Variants in AMN observed in about 807,000 individuals in gnomAD.
The protein encoded by AMN is protein amnionless.
In AMN, 40 loss-of-function variants were observed where a neutral mutation model predicts 49.1. The observed-to-expected ratio is 0.81, with a 90% CI of 0.63 to 1.06. The LOEUF is 1.06. Ranked by LOEUF, AMN falls within the 50% of genes least tolerant of loss-of-function variation. AMN has a pLI of 0.00. For missense variants in AMN, 701 were observed against 662.8 expected (o/e 1.06, Z -0.63); for synonymous variants, 380 against 313.3 (o/e 1.21, Z -2.25).
rs1398044164 is a variant in AMN at position 102,928,839 on chromosome 14, GC to G, written c.379del (p.Leu127SerfsTer72). On this transcript the variant is annotated frameshift_variant, in exon 5 of 12. Coordinates refer to ENST00000299155, the MANE Select transcript of AMN (RefSeq NM_030943.4). LOFTEE classifies it high-confidence loss of function. The stretch of plus-strand genomic sequence containing the variant: ...TGGCGCTCTGGGGACGAGGCACCTG[GC>G]CTCTTCTTCGTGGACGCCGAGCGCG... The part of the protein sequence containing the change: ...HLWRSGDEAP[G>X]LFFVDAERVP... 2 of 1,606,106 alleles carry G rather than the reference GC, an allele frequency of 1.2e-6. No individual in the cohort carries two copies. The highest frequency in any genetic ancestry group is 2.7e-5 in the African/African-American group (2 of 74,928).
Position 102,929,549 on chromosome 14 carries a change from G to A in AMN, c.760+13G>A. 1 of 1,541,078 alleles carries A rather than the reference G, an allele frequency of 6.5e-7. No individual in the cohort carries two copies. On this transcript the variant is annotated intron_variant, in intron 7 of 11. Coordinates refer to ENST00000299155, the MANE Select transcript of AMN (RefSeq NM_030943.4). Reference sequence around the variant, plus strand: ...TGTGACCTCTGTGGTAAGCGCCCCCGCCGGGCCCTGCTTGCTGGGAAGGCC... The same window carrying A: ...TGTGACCTCTGTGGTAAGCGCCCCCACCGGGCCCTGCTTGCTGGGAAGGCC...
Position 102,929,943 on chromosome 14 carries a change from A to G in AMN, c.863A>G (p.Gln288Arg). Residue 288 changes from glutamine (Q) to arginine (R), a missense_variant, in exon 9 of 12, where the codon CAG becomes CGG. By Grantham distance (43) the Gln-to-Arg change is conservative. Transcript: ENST00000299155. ...CCCCAGCCTCAGTACCACGGGCTGC[A>G]GGTGGCCGTGTCCAAGGTGCCACGC... ...FLGLPQYHGL[Q>R]VAVSKVPRSS... The G allele has an allele frequency of 6.4e-7, 1 of 1,562,078 alleles. No individual in the cohort carries two copies. The highest frequency in any genetic ancestry group is 1.2e-5 in the South Asian group (1 of 84,676).
intron 3 of AMN, among the ~76,000 whole-genome samples, chr14:102,926,233 A>T (rs969808369): frequency 6.6e-6 from 1 of 152,212 alleles, no homozygotes; most frequent in African/African-American, 2.4e-5. Flanking sequence ...CTCAGTCACA[A>T]TGGTAATGGA....
Position 102,930,442 on chromosome 14 carries a change from G to A in AMN, c.1206G>A (p.Ala402=). The A allele has an allele frequency of 4.6e-6, 7 of 1,523,992 alleles. No individual in the cohort carries two copies. Among genetic ancestry groups the A allele is most frequent in the African/African-American group, 1.4e-5 (1 of 71,574 alleles). The allele number at this position is 1,523,992 out of a possible 1,614,324, so 94.4% of individuals were successfully genotyped here. The change falls in exon 11 of 12, where the codon GCG becomes GCA. Residue 402 remains alanine (A), a synonymous_variant. Transcript: ENST00000299155. The part of the protein sequence containing the change: ...RRHEAAAPAG[A]PLGFRNPVFD... The stretch of plus-strand genomic sequence containing the variant: ...ACGAGGCGGCGGCCCCGGCTGGAGC[G>A]CCCCTCGGCTTCCGCAACCCGGTGT...
At chr14:102,926,699 G>T (rs1891196139) in intron 3 of AMN, among the ~76,000 whole-genome samples, 1 of 149,410 alleles carries the variant, frequency 6.7e-6, no homozygotes, top group Non-Finnish European at 1.5e-5. Flanking sequence ...CGATTCTCCT[G>T]CCTGAGCCTC....
chr14:102,923,499 G>A (rs1055219103), intron 1 of AMN: 4 of 583,972 alleles, frequency 6.8e-6, no homozygotes, highest in Middle Eastern at 4.6e-4. Context: ...GGCTCTGCAG[G>A]TATCAGTAGA....
At chr14:102,928,274 C>A in intron 3 of AMN, 152 bp from the exon 4 acceptor site, 1 of 667,782 alleles carries the variant, frequency 1.5e-6, no homozygotes, top group Non-Finnish European at 2.5e-6. Context: ...CTCTGCCAGC[C>A]TCAGCCAGGC....
At chr14:102,927,448 C>A (rs1891212642) in intron 3 of AMN, among the ~76,000 whole-genome samples, 1 of 152,234 alleles carries the variant, frequency 6.6e-6, no homozygotes, top group African/African-American at 2.4e-5. Context: ...GCGCTTTGAG[C>A]TATGACACAT....
In AMN at chr14:102,928,899, C is replaced by T. The variant is rs898191952; in HGVS notation, c.437C>T (p.Pro146Leu). The part of the protein sequence containing the change: ...PCRHDDVFFP[P>L]SASFRVGLGP... ...CGCCACGACGACGTCTTCTTTCCGC[C>T]TAGTGCCTCCTTCCGCGTGGGGCTC... Residue 146 changes from proline (P) to leucine (L), a missense_variant, in exon 5 of 12, where the codon CCT (proline) becomes CTT (leucine). Pro to Leu is a moderately conservative substitution (Grantham distance 98). Transcript: ENST00000299155. 16 of 1,603,148 alleles carry T rather than the reference C, an allele frequency of 1.0e-5. No homozygotes were observed. Among genetic ancestry groups the T allele is most frequent in the Non-Finnish European group, 1.4e-5 (16 of 1,179,784 alleles).
intron 3 of AMN, among the ~76,000 whole-genome samples, chr14:102,925,635 C>T (rs953248802): frequency 1.3e-5 from 2 of 152,210 alleles, no homozygotes; most frequent in Non-Finnish European, 2.9e-5. Context: ...CCCCTACTCC[C>T]CTCCCCTGCC....
chr14:102,927,998 C>T (rs781689688), intron 3 of AMN, among the ~76,000 whole-genome samples: 5 of 152,224 alleles, frequency 3.3e-5, no homozygotes, highest in Non-Finnish European at 5.9e-5. Flanking sequence ...CCTCAGACTC[C>T]CCAGGAGCCG....
chr14:102,929,138 G>C lies in AMN; in HGVS notation c.531G>C (p.Glu177Asp), dbSNP rs1891266842. 1 of 1,597,462 alleles carries C rather than the reference G, an allele frequency of 6.3e-7. No homozygotes were observed. ...SALGRTFTRD[E>D]DLAVFLASRA... is the part of the protein sequence containing the mutation. ...GCCCGCAGACGTTCACGCGCGACGA[G>C]GACCTGGCTGTTTTCCTGGCGTCCC... The change falls in exon 6 of 12, where the codon GAG becomes GAC. Residue 177 changes from glutamate (E) to aspartate (D), a missense_variant. Transcript: ENST00000299155.
rs1891084049 is a variant in AMN, at chr14:102,922,739, G to A, written c.43+8G>A. On this transcript the variant is annotated splice_region_variant and intron_variant, in intron 1 of 11. Coordinates refer to ENST00000299155, the MANE Select transcript of AMN (RefSeq NM_030943.4). The stretch of plus-strand genomic sequence containing the variant: ...TGTGGCTGCAGCTCTGCGGTGAGCC[G>A]GGACCACACCGGTGCGGGCCCGGAC... 6.3e-7 allele frequency: 1 copy of A among 1,583,862 alleles called. No individual in the cohort carries two copies. Among genetic ancestry groups the A allele is most frequent in the Non-Finnish European group, 8.6e-7 (1 of 1,169,170 alleles).
intron 3 of AMN, among the ~76,000 whole-genome samples, chr14:102,926,796 T>A (rs1403664386): frequency 6.6e-6 from 1 of 152,174 alleles, no homozygotes; most frequent in Non-Finnish European, 1.5e-5. Context: ...ATGGACGGAC[T>A]CTCTCTAAAT....
intron 3 of AMN, among the ~76,000 whole-genome samples, chr14:102,925,069 T>C (rs1035043434): frequency 6.6e-6 from 1 of 152,204 alleles, no homozygotes; most frequent in Non-Finnish European, 1.5e-5. Context: ...CCAGGGTGAC[T>C]GTGGGGCCTG....
At chr14:102,923,071 G>T in intron 1 of AMN, 1 of 317,774 alleles carries the variant, frequency 3.1e-6, no homozygotes, top group Non-Finnish European at 5.9e-6. Context: ...GTGCGCCTGC[G>T]GGGCTCGGCA....
intron 6 of AMN, 71 bp downstream of exon 6, chr14:102,929,329 C>T: frequency 6.8e-7 from 1 of 1,475,404 alleles, no homozygotes; most frequent in Non-Finnish European, 8.9e-7. Flanking sequence ...AGGGCCGCTG[C>T]GCTCCCACGG....
chr14:102,929,429 C>A lies in AMN; in HGVS notation c.653C>A (p.Ala218Glu), dbSNP rs1362321129. The A allele has an allele frequency of 2.0e-6, 3 of 1,530,492 alleles. No individual in the cohort carries two copies. In the African/African-American group the frequency reaches 4.1e-5, roughly 21 times the overall value. The allele number at this position is 1,530,492 out of a possible 1,614,324, so 94.8% of individuals were successfully genotyped here. ...PSGCVCGNAE[A>E]QPWICAALLQ... ...GCTGACCACCGCCCCTCGCACCAGG[C>A]GCAGCCGTGGATCTGCGCGGCCCTG... The change falls in exon 7 of 12, where the codon GCG becomes GAG. Residue 218 changes from alanine (A) to glutamate (E), a missense_variant and splice_region_variant. Ala to Glu is a moderately radical substitution (Grantham distance 107). Coordinates refer to ENST00000299155, the MANE Select transcript of AMN (RefSeq NM_030943.4).
chr14:102,929,462 C>G lies in AMN; in HGVS notation c.686C>G (p.Pro229Arg), dbSNP rs1891278806. ...QPWICAALLQ[P>R]LGGRCPQAAC... is the part of the protein sequence containing the mutation. ...TGGATCTGCGCGGCCCTGCTCCAGC[C>G]CCTGGGCGGCCGCTGCCCCCAGGCC... Residue 229 changes from proline to arginine, a missense_variant, in exon 7 of 12, where the codon CCC (proline) becomes CGC (arginine). Physicochemically the swap from Pro to Arg is moderately radical, Grantham distance 103 (BLOSUM62 -2). Coordinates refer to ENST00000299155, the MANE Select transcript of AMN (RefSeq NM_030943.4). 1 of 1,531,364 alleles carries G rather than the reference C, an allele frequency of 6.5e-7. No individual in the cohort carries two copies. The highest frequency in any genetic ancestry group is 8.7e-7 in the Non-Finnish European group (1 of 1,145,186). 94.9% of individuals were successfully genotyped at this position (1,531,364 alleles called of 1,614,324 possible).
Sources: gnomAD v4.1 joint callset for allele counts (sites outside exome capture counted in the v4.1 genomes callset) on GRCh38, gnomAD v4.1.1 for gene constraint, MANE v1.5 for transcripts, NCBI Gene and HGNC (gene_info 2026-07-23, HGNC 2026-07-21) for gene names.